The following EFCAB11 variants were observed in gnomAD, a reference collection of about 807,000 sequenced individuals.
EFCAB11 encodes EF-hand calcium binding domain 11, also known as EF-hand calcium-binding domain-containing protein 11.
A neutral mutation model predicts 23.0 loss-of-function variants in EFCAB11; 14 were observed. That is an observed-to-expected ratio of 0.61 (90% confidence interval 0.40 to 0.95). The LOEUF (loss-of-function observed/expected upper bound fraction) is 0.95. Ranked by LOEUF, EFCAB11 falls within the 40% of genes least tolerant of loss-of-function variation. The probability of loss-of-function intolerance (pLI) is 0.00; values close to 1 mark genes in which losing one functional copy is unlikely to be tolerated. For synonymous variants in EFCAB11, 65 were observed against 66.6 expected, an observed-to-expected ratio of 0.98 and a Z score of 0.11; for missense variants, 198 against 195.8, an observed-to-expected ratio of 1.01 and a Z score of -0.07.
chr14:89,891,717 A>ACACACACACACG (rs1888971899), intron 5 of EFCAB11, among the ~76,000 whole-genome samples: 1 of 152,174 alleles, frequency 6.6e-6, no homozygotes, highest in African/African-American at 2.4e-5. Context: ...GCGCACACGC[A>ACACACACACACG]CACACCACCC....
At chr14:89,928,848 C>T (rs894085001) in intron 5 of EFCAB11, among the ~76,000 whole-genome samples, 1 of 146,544 alleles carries the variant, frequency 6.8e-6, no homozygotes, top group Non-Finnish European at 1.5e-5. Flanking sequence ...TTACATATTA[C>T]ATATGCTTAA....
Position 89,823,607 on chromosome 14 carries a change from G to A in EFCAB11, c.411-26283C>T, listed in dbSNP as rs115164809. Among the ~76,000 whole-genome samples the A allele has an allele frequency of 3.3e-3, 501 of 152,220 alleles. 4 individuals carry two copies. Among genetic ancestry groups the A allele is most frequent in the African/African-American group, 0.011 (462 of 41,520 alleles). Reference sequence around the variant, plus strand: ...GCTGGAAAATGTGACCAATAAGCAGGAGAAAAATCAGACAATGGAAACAGA... The same window carrying A: ...GCTGGAAAATGTGACCAATAAGCAGAAGAAAAATCAGACAATGGAAACAGA... On this transcript the variant is annotated intron_variant, in intron 5 of 5. Coordinates refer to ENST00000316738, the MANE Select transcript of EFCAB11 (RefSeq NM_145231.4).
chr14:89,842,363 T>G (rs1596395847), intron 5 of EFCAB11, among the ~76,000 whole-genome samples: 1 of 152,064 alleles, frequency 6.6e-6, no homozygotes, highest in African/African-American at 2.4e-5. Context: ...CCGAGGCAGG[T>G]GGATCACCTG....
At chr14:89,806,359 T>C (rs1272035286) in intron 5 of EFCAB11, among the ~76,000 whole-genome samples, 3 of 152,150 alleles carry the variant, frequency 2.0e-5, no homozygotes, top group Admixed American at 6.5e-5. Flanking sequence ...CCCTGGGCTA[T>C]ATTTCCAGGA....
intron 3 of EFCAB11, among the ~76,000 whole-genome samples, chr14:89,946,382 G>T (rs1463884580): frequency 6.6e-6 from 1 of 152,156 alleles, no homozygotes; most frequent in Non-Finnish European, 1.5e-5. Context: ...TATGTTTAAA[G>T]TGGGCTTCTA....
At chr14:89,840,097 T>A (rs1323319447) in intron 5 of EFCAB11, among the ~76,000 whole-genome samples, 1 of 152,232 alleles carries the variant, frequency 6.6e-6, no homozygotes, top group East Asian at 1.9e-4. Flanking sequence ...CACTTAAAAG[T>A]GCCCTTGTAC....
At chr14:89,822,950 G>A (rs1886573360) in intron 5 of EFCAB11, among the ~76,000 whole-genome samples, 1 of 152,130 alleles carries the variant, frequency 6.6e-6, no homozygotes, top group Admixed American at 6.5e-5. Flanking sequence ...TTTAAAAGAA[G>A]ACATCAAAAT....
chr14:89,848,323 A>C (rs544491106), intron 5 of EFCAB11: 1 of 152,340 alleles, frequency 6.6e-6, no homozygotes, highest in South Asian at 2.1e-4. Flanking sequence ...TTCCCAAGCC[A>C]AAACCCAGGA....
intron 5 of EFCAB11, among the ~76,000 whole-genome samples, chr14:89,919,185 T>TGAGAGA (rs890466242): frequency 1.4e-5 from 2 of 138,264 alleles, no homozygotes; most frequent in South Asian, 2.3e-4. Flanking sequence ...TCACACTTGA[T>TGAGAGA]GAGAGAGAGA....
chr14:89,844,920 C>G (rs752519814), intron 5 of EFCAB11, among the ~76,000 whole-genome samples: 3 of 151,542 alleles, frequency 2.0e-5, no homozygotes, highest in Non-Finnish European at 1.5e-5. Flanking sequence ...GCACTTCCAG[C>G]TCTGTATCTC....
intron 5 of EFCAB11, among the ~76,000 whole-genome samples, chr14:89,902,311 T>C (rs573591558): frequency 9.8e-5 from 15 of 152,344 alleles, no homozygotes; most frequent in Non-Finnish European, 1.3e-4. Flanking sequence ...AAACGTTTTC[T>C]ATAATTTATT....
chr14:89,855,109 T>A (rs1240046397), intron 5 of EFCAB11, among the ~76,000 whole-genome samples: 1 of 151,882 alleles, frequency 6.6e-6, no homozygotes, highest in Non-Finnish European at 1.5e-5. Context: ...GTGTCCCACT[T>A]ACAGAATGAA....
chr14:89,924,514 A>G, intron 5 of EFCAB11: 1 of 1,446,628 alleles, frequency 6.9e-7, no homozygotes. Flanking sequence ...AGTGCTTACA[A>G]TGAGATGGAG....
rs1020821314 is a variant in EFCAB11 at position 89,889,957 on chromosome 14, T to C, written c.410+41584A>G. Among the ~76,000 whole-genome samples, 6 of 152,344 alleles carry C rather than the reference T, an allele frequency of 3.9e-5. No individual in the cohort carries two copies. In the South Asian group the frequency reaches 1.2e-3, roughly 32 times the overall value. ...CTTTCACTGTAATAAATCATAGCCA[T>C]GAATACGACTGTAGGCTGAGTCTTG... is the stretch of plus-strand genomic sequence containing the variant. On this transcript the variant is annotated intron_variant, in intron 5 of 5. Transcript: ENST00000316738.
chr14:89,873,654 T>C (rs113736101), intron 5 of EFCAB11, among the ~76,000 whole-genome samples: 2,453 of 152,222 alleles, frequency 0.016, 23 homozygotes, highest in Non-Finnish European at 0.026. Flanking sequence ...ATGGGAGAAA[T>C]TGGCCAAAAC....
At chr14:89,911,375 G>C (rs533663927) in intron 5 of EFCAB11, among the ~76,000 whole-genome samples, 3 of 152,314 alleles carry the variant, frequency 2.0e-5, no homozygotes, top group African/African-American at 4.8e-5. Context: ...GAGTGACAAG[G>C]GGGGTTTGGG....
intron 5 of EFCAB11, among the ~76,000 whole-genome samples, chr14:89,815,858 G>A (rs1387695156): frequency 1.3e-5 from 2 of 152,078 alleles, no homozygotes; most frequent in African/African-American, 4.8e-5. Flanking sequence ...CATTTCTCGG[G>A]TTCAACTGGA....
At chr14:89,894,037 T>C (rs1190933398) in intron 5 of EFCAB11, among the ~76,000 whole-genome samples, 1 of 152,050 alleles carries the variant, frequency 6.6e-6, no homozygotes, top group Non-Finnish European at 1.5e-5. Context: ...TGGAGTGCAG[T>C]GGCGCGATCT....
chr14:89,867,157 C>T (rs1168069239), intron 5 of EFCAB11, among the ~76,000 whole-genome samples: 1 of 152,204 alleles, frequency 6.6e-6, no homozygotes, highest in Non-Finnish European at 1.5e-5. Flanking sequence ...AGGTCTCCTG[C>T]CTCACCATCA....
Sources: allele counts gnomAD v4.1 joint callset (sites outside exome capture counted in the v4.1 genomes callset), GRCh38; gene constraint gnomAD v4.1.1; transcripts MANE v1.5; gene names NCBI Gene and HGNC (gene_info 2026-07-23, HGNC 2026-07-21).